FANCL: variants seen among roughly 807,000 people sequenced by gnomAD.
The protein encoded by FANCL is E3 ubiquitin-protein ligase FANCL.
In FANCL, 69 loss-of-function variants were observed where a neutral mutation model predicts 59.4. That is an observed-to-expected ratio of 1.16 (90% CI 0.96 to 1.42). The LOEUF is 1.42. FANCL is among the 40% of genes most tolerant of loss of function. The pLI, the probability that FANCL is intolerant of heterozygous loss-of-function variation, is 0.00. For synonymous variants in FANCL, 180 were observed against 147.1 expected (o/e 1.22, Z -1.62); for missense variants, 519 against 447.2 (o/e 1.16, Z -1.45).
At chr2:58,224,291 GAT>G (rs1558816396) in intron 4 of FANCL, among the ~76,000 whole-genome samples, 1 of 151,690 alleles carries the variant, frequency 6.6e-6, no homozygotes, top group Non-Finnish European at 1.5e-5. Context: ...ATAATAAAAA[GAT>G]AAAATAAATG....
At chr2:58,176,709 C>T (rs1687355404) in intron 7 of FANCL, among the ~76,000 whole-genome samples, 2 of 152,112 alleles carry the variant, frequency 1.3e-5, no homozygotes, top group African/African-American at 4.8e-5. Flanking sequence ...CCATTCAGGA[C>T]ATAGGCATGG....
chr2:58,215,550 C>A (rs1296733676), intron 5 of FANCL, among the ~76,000 whole-genome samples: 2 of 151,998 alleles, frequency 1.3e-5, no homozygotes, highest in East Asian at 1.9e-4. Context: ...ACTGACCAGG[C>A]CTTGAAGGGC....
At chr2:58,222,727 C>T (rs1396074150) in intron 4 of FANCL, among the ~76,000 whole-genome samples, 1 of 151,896 alleles carries the variant, frequency 6.6e-6, no homozygotes, top group African/African-American at 2.4e-5. Context: ...CTAAAATTAC[C>T]AATTATTTTG....
At chr2:58,193,470 T>C (rs1417772170) in intron 7 of FANCL, among the ~76,000 whole-genome samples, 3 of 152,124 alleles carry the variant, frequency 2.0e-5, no homozygotes, top group African/African-American at 4.8e-5. Context: ...AGCTGATAGG[T>C]GACTAAGTCT....
intron 5 of FANCL, among the ~76,000 whole-genome samples, chr2:58,209,646 A>G (rs1401075400): frequency 2.0e-5 from 3 of 152,174 alleles, no homozygotes; most frequent in African/African-American, 4.8e-5. Flanking sequence ...ACTAGGAACT[A>G]TATGAGTCAC....
At chr2:58,171,480 A>C (rs1307796125) in intron 7 of FANCL, among the ~76,000 whole-genome samples, 1 of 152,168 alleles carries the variant, frequency 6.6e-6, no homozygotes, top group Admixed American at 6.5e-5. Flanking sequence ...AGAAGCAAGA[A>C]CAAACATTCA....
At chr2:58,217,578 A>G (rs1333154341) in intron 5 of FANCL, among the ~76,000 whole-genome samples, 1 of 152,070 alleles carries the variant, frequency 6.6e-6, no homozygotes, top group Non-Finnish European at 1.5e-5. Context: ...CATTAAGACA[A>G]GAATATTTCT....
At chr2:58,173,403 A>T (rs1021693522) in intron 7 of FANCL, among the ~76,000 whole-genome samples, 50 of 152,354 alleles carry the variant, frequency 3.3e-4, no homozygotes, top group African/African-American at 1.1e-3. Flanking sequence ...CGGGTTACCC[A>T]CAAAGGGAAG....
chr2:58,172,426 G>A (rs1686745637), intron 7 of FANCL, among the ~76,000 whole-genome samples: 1 of 152,164 alleles, frequency 6.6e-6, no homozygotes, highest in East Asian at 1.9e-4. Context: ...CCATCAGACA[G>A]CAGCATTCGT....
rs144155158 is a variant in FANCL, at chr2:58,172,524, G to C, written c.541-6650C>G. ...AGTGGACCTCTAGCAAACTCCAACA[G>C]ACCTGCAGCTGAGGGTCTCTGTTAA... On this transcript the variant is annotated intron_variant, in intron 7 of 13. Coordinates refer to ENST00000233741, the MANE Select transcript of FANCL (RefSeq NM_018062.4). Among the ~76,000 whole-genome samples the C allele has an allele frequency of 6.4e-3, 982 of 152,314 alleles. 7 individuals are homozygous for C. The highest frequency in any genetic ancestry group is 0.023 in the African/African-American group (938 of 41,564).
chr2:58,201,658 T>C (rs1210502243), intron 6 of FANCL, among the ~76,000 whole-genome samples: 2 of 152,024 alleles, frequency 1.3e-5, no homozygotes, highest in South Asian at 2.1e-4. Context: ...GCAAAGGTAA[T>C]TCAGTACTGA....
intron 6 of FANCL, among the ~76,000 whole-genome samples, chr2:58,201,362 A>G (rs1256182529): frequency 6.6e-6 from 1 of 151,814 alleles, no homozygotes; most frequent in Non-Finnish European, 1.5e-5. Flanking sequence ...GCAGAAAATC[A>G]AATCAATAAC....
chr2:58,235,334 G>C (rs1693915513), intron 1 of FANCL, among the ~76,000 whole-genome samples: 2 of 152,046 alleles, frequency 1.3e-5, no homozygotes, highest in Admixed American at 6.6e-5. Context: ...TACAAGGCTG[G>C]GTATAGCCAT....
In FANCL at chr2:58,204,194, A is replaced by T. The variant is rs1690338963; in HGVS notation, c.407T>A (p.Ile136Asn). 6.2e-7 allele frequency: 1 copy of T among 1,613,288 alleles called. No homozygotes were observed. Among genetic ancestry groups the T allele is most frequent in the Non-Finnish European group, 8.5e-7 (1 of 1,179,364 alleles). ...AGAAGCATCTTCTGCTTTTAACTTG[A>T]TGGTACTGAAGCAGGTATCCGCATA... ...LVYADTCFST[I>N]KLKAEDASGR... Residue 136 changes from isoleucine (I) to asparagine (N), a missense_variant, in exon 6 of 14, where the codon ATC (isoleucine) becomes AAC (asparagine). By Grantham distance (149) the Ile-to-Asn change is moderately radical. Transcript: ENST00000233741.
At chr2:58,173,085 G>C (rs569351533) in intron 7 of FANCL, among the ~76,000 whole-genome samples, 1 of 152,252 alleles carries the variant, frequency 6.6e-6, no homozygotes, top group Admixed American at 6.5e-5. Context: ...GAAGCTTAGA[G>C]AAAAAAGAAT....
intron 7 of FANCL, among the ~76,000 whole-genome samples, chr2:58,194,548 T>G (rs1689248170): frequency 1.3e-5 from 2 of 152,146 alleles, no homozygotes; most frequent in South Asian, 4.1e-4. Context: ...ACACTTGTCT[T>G]TGAGAAGCAC....
chr2:58,218,942 T>G (rs1425155087), intron 5 of FANCL, among the ~76,000 whole-genome samples: 1 of 150,564 alleles, frequency 6.6e-6, no homozygotes, highest in African/African-American at 2.4e-5. Flanking sequence ...TATAAACACA[T>G]TTGTTTTCCA....
At chr2:58,200,714 T>C (rs1573683698) in intron 6 of FANCL, among the ~76,000 whole-genome samples, 1 of 152,006 alleles carries the variant, frequency 6.6e-6, no homozygotes, top group African/African-American at 2.4e-5. Flanking sequence ...ATGGTATCAA[T>C]GTCCTGATAT....
At chr2:58,183,405 T>C (rs920679263) in intron 7 of FANCL, among the ~76,000 whole-genome samples, 5 of 151,874 alleles carry the variant, frequency 3.3e-5, no homozygotes, top group African/African-American at 1.2e-4. Flanking sequence ...GATAGCTTAA[T>C]CCCATGGTTT....
Sources: gnomAD v4.1 joint callset for allele counts (sites outside exome capture counted in the v4.1 genomes callset) on GRCh38, gnomAD v4.1.1 for gene constraint, MANE v1.5 for transcripts, NCBI Gene and HGNC (gene_info 2026-07-23, HGNC 2026-07-21) for gene names.